EMID1: variants seen among roughly 807,000 people sequenced by gnomAD.
EMID1 encodes the protein EMI domain-containing protein 1.
Under a neutral mutation model 60.6 loss-of-function variants are expected in EMID1, and 40 were observed. That is an observed-to-expected ratio of 0.66 (90% CI 0.51 to 0.86). The LOEUF is 0.86. Among genes scored for constraint, EMID1 ranks in the 40% least tolerant of loss-of-function variants. The pLI, the probability that EMID1 is intolerant of heterozygous loss-of-function variation, is 0.00. For missense variants in EMID1, 585 were observed against 597.1 expected (o/e 0.98, Z 0.21); for synonymous variants, 242 against 231.0 (o/e 1.05, Z -0.43).
rs565207676 is a variant in EMID1 at position 29,259,256 on chromosome 22, G to C, written c.*312G>C. 16 of 372,838 alleles carry C rather than the reference G, an allele frequency of 4.3e-5. No individual in the cohort carries two copies. Among genetic ancestry groups the C allele is most frequent in the African/African-American group, 3.3e-4 (15 of 45,958 alleles). 23.1% of individuals were successfully genotyped at this position (372,838 alleles called of 1,614,324 possible). A position where few individuals can be genotyped will look rare whatever the true frequency, so the allele number is the denominator to read the frequency against. The stretch of plus-strand genomic sequence containing the variant: ...GAGCATCCAGGCCCAAAGGCACTGA[G>C]GGAGTCAGGAGCTGGGGCTCGGCAC... On this transcript the variant is annotated 3_prime_UTR_variant, in exon 15 of 15. Transcript: ENST00000334018.
Position 29,215,708 on chromosome 22 carries a change from C to A in EMID1, c.319+78C>A, listed in dbSNP as rs2040056056. ...CCCTGCAGGTGCATGGAGCCGTGAA[C>A]TATTAAGAGAGTCATGCACAGTACC... On this transcript the variant is annotated intron_variant, in intron 3 of 14. Transcript: ENST00000334018. 24 of 1,151,740 alleles carry A rather than the reference C, an allele frequency of 2.1e-5. No homozygotes were observed. In the South Asian group the frequency reaches 2.9e-4, roughly 14 times the overall value. 71.3% of individuals were successfully genotyped at this position (1,151,740 alleles called of 1,614,324 possible).
chr22:29,235,330 A>G (rs1203545740), intron 12 of EMID1, among the ~76,000 whole-genome samples: 2 of 145,326 alleles, frequency 1.4e-5, no homozygotes, highest in African/African-American at 5.1e-5. Context: ...CCTGGGCAAT[A>G]AGAGTGAGAC....
intron 4 of EMID1, among the ~76,000 whole-genome samples, chr22:29,225,793 A>C (rs1034383319): frequency 1.3e-5 from 2 of 152,196 alleles, no homozygotes; most frequent in African/African-American, 4.8e-5. Context: ...TGAGGAGGGG[A>C]GAGACTGCTG....
intron 10 of EMID1, 79 bp downstream of exon 10, chr22:29,233,745 C>T: frequency 7.5e-7 from 1 of 1,342,266 alleles, no homozygotes; most frequent in Non-Finnish European, 1.1e-6. Context: ...ATCTGTCCAT[C>T]ATCCACCCTT....
intron 12 of EMID1, among the ~76,000 whole-genome samples, chr22:29,235,780 C>CTTTTT (rs56085732): frequency 8.1e-5 from 6 of 73,866 alleles, no homozygotes; most frequent in African/African-American, 1.1e-4. Context: ...AGAATTTAAG[C>CTTTTT]TTTTTTTTTT....
At chr22:29,256,860 GGT>G (rs150022900) in intron 14 of EMID1, among the ~76,000 whole-genome samples, 1,949 of 152,184 alleles carry the variant, frequency 0.013, 55 homozygotes, top group African/African-American at 0.045. Context: ...GCCTGGGAAG[GGT>G]GTGGGGTCTG....
intron 12 of EMID1, among the ~76,000 whole-genome samples, chr22:29,236,333 T>G (rs1601995121): frequency 6.6e-6 from 1 of 152,088 alleles, no homozygotes; most frequent in African/African-American, 2.4e-5. Flanking sequence ...GAGTTTAAGG[T>G]GACAGTTATA....
chr22:29,229,426 A>G (rs1419138645), intron 5 of EMID1, among the ~76,000 whole-genome samples: 1 of 151,894 alleles, frequency 6.6e-6, no homozygotes, highest in Non-Finnish European at 1.5e-5. Context: ...GGCGGATCAC[A>G]TGAGGTCAGG....
At chr22:29,215,128 G>T in intron 2 of EMID1, 89 bp downstream of exon 2, 1 of 1,445,452 alleles carries the variant, frequency 6.9e-7, no homozygotes. Context: ...TGGGGAGTGT[G>T]GGGGAAGACT....
At chr22:29,214,551 C>T (rs1454097861) in intron 1 of EMID1, among the ~76,000 whole-genome samples, 3 of 152,182 alleles carry the variant, frequency 2.0e-5, no homozygotes, top group South Asian at 4.1e-4. Flanking sequence ...GGAGAGGCCA[C>T]TCACTGTAGT....
At position 29,206,014 on chromosome 22, in the gene EMID1, G is replaced by T. The variant is rs1310320028; in HGVS notation, c.-25G>T. ...CTGGGGGCGGCGACCGCGAGGGGCC[G>T]CGCGCGGAGGGCGCCTGGTGCAGCA... On this transcript the variant is annotated 5_prime_UTR_variant, in exon 1 of 15. Transcript: ENST00000334018. 5.8e-6 allele frequency: 7 copies of T among 1,204,456 alleles called. No individual in the cohort carries two copies. Among genetic ancestry groups the T allele is most frequent in the Non-Finnish European group, 7.2e-6 (7 of 969,764 alleles). The allele number at this position is 1,204,456 out of a possible 1,614,324, so 74.6% of individuals were successfully genotyped here. A position where few individuals can be genotyped will look rare whatever the true frequency, so the allele number is the denominator to read the frequency against.
intron 12 of EMID1, among the ~76,000 whole-genome samples, chr22:29,234,833 C>G (rs6006067): frequency 0.86 from 130,619 of 151,870 alleles, 56,601 homozygotes; most frequent in East Asian, 0.98. Context: ...CTTATGCTTG[C>G]TATTTGCATG....
chr22:29,233,511 A>T lies in EMID1; in HGVS notation c.913+43A>T, dbSNP rs772401916. ...CAGGGGTAAAGGGTGAAGTTGGTAG[A>T]TGGCAGAGGGAATAGGGTTTGTGGC... On this transcript the variant is annotated intron_variant, in intron 9 of 14. Transcript: ENST00000334018. The T allele has an allele frequency of 3.1e-6, 5 of 1,609,900 alleles. No homozygotes were observed. In the South Asian group the frequency reaches 5.5e-5, roughly 18 times the overall value.
chr22:29,243,610 T>G lies in EMID1; in HGVS notation c.1119+121T>G. On this transcript the variant is annotated intron_variant, in intron 13 of 14. Coordinates refer to ENST00000334018, the MANE Select transcript of EMID1 (RefSeq NM_133455.4). ...TCCCATCCACATCCCCACTACAGCC[T>G]GGTCTCCCAGGCAGGAGCCTTGGCA... 2.5e-6 allele frequency: 3 copies of G among 1,178,760 alleles called. No homozygotes were observed. The South Asian group carries it at 4.0e-5, about 16-fold the overall frequency. 73.0% of individuals were successfully genotyped at this position (1,178,760 alleles called of 1,614,324 possible). A position where few individuals can be genotyped will look rare whatever the true frequency, so the allele number is the denominator to read the frequency against.
At position 29,236,942 on chromosome 22, in the gene EMID1, G is replaced by A. The variant is rs1364966852; in HGVS notation, c.1074+2593G>A. 7.3e-5 allele frequency among the ~76,000 whole-genome samples: 11 copies of A among 149,950 alleles called. No individual in the cohort carries two copies. The East Asian group carries it at 8.3e-4, about 11-fold the overall frequency. ...CTCCCAAGTAGCTGGGACTACAGGC[G>A]CCCACCACCATACCTGGCTAATTTT... On this transcript the variant is annotated intron_variant, in intron 12 of 14. Transcript: ENST00000334018.
intron 1 of EMID1, among the ~76,000 whole-genome samples, chr22:29,213,853 A>G (rs1014170283): frequency 4.6e-5 from 7 of 152,004 alleles, no homozygotes; most frequent in Non-Finnish European, 7.4e-5. Flanking sequence ...AGAAGACGGG[A>G]GCTGAGGCTC....
chr22:29,232,332 A>C lies in EMID1; in HGVS notation c.753A>C (p.Pro251=), dbSNP rs199875803. 37 of 1,609,430 alleles carry C rather than the reference A, an allele frequency of 2.3e-5. No individual in the cohort carries two copies. Among genetic ancestry groups the C allele is most frequent in the Middle Eastern group, 4.0e-4 (2 of 4,944 alleles). The part of the protein sequence containing the change: ...GTPGERGPPG[P]PGPPGPPGPP... ...CTGGAGAGAGGGGACCTCCTGGGCC[A>C]CCAGGGCCTCCTGGCCCCCCTGGGC... Residue 251 remains proline, a synonymous_variant, in exon 8 of 15, where the codon CCA becomes CCC. Transcript: ENST00000334018.
chr22:29,232,292 G>C lies in EMID1; in HGVS notation c.713G>C (p.Gly238Ala). 2 of 1,611,432 alleles carry C rather than the reference G, an allele frequency of 1.2e-6. No homozygotes were observed. Among genetic ancestry groups the C allele is most frequent in the Non-Finnish European group, 8.5e-7 (1 of 1,179,762 alleles). The change falls in exon 8 of 15, where the codon GGA becomes GCA. Residue 238 changes from glycine to alanine, a missense_variant. By Grantham distance (60) the Gly-to-Ala change is moderately conservative (BLOSUM62 0). Coordinates refer to ENST00000334018, the MANE Select transcript of EMID1 (RefSeq NM_133455.4). ...QGPPGSPGRA[G>A]AVGTPGERGP... ...CCCCCAGGGAGCCCTGGCCGGGCTGGAGCTGTGGGCACCCCTGGAGAGAGG... is the reference window on the plus strand; with the variant it reads ...CCCCCAGGGAGCCCTGGCCGGGCTGCAGCTGTGGGCACCCCTGGAGAGAGG...
chr22:29,258,372 G>A (rs1235272375), intron 14 of EMID1, among the ~76,000 whole-genome samples: 1 of 152,148 alleles, frequency 6.6e-6, no homozygotes, highest in African/African-American at 2.4e-5. Context: ...GTAGGTCAGT[G>A]GCAGAGCCTG....
Sources: gnomAD v4.1 joint callset for allele counts (sites outside exome capture counted in the v4.1 genomes callset) on GRCh38, gnomAD v4.1.1 for gene constraint, MANE v1.5 for transcripts, NCBI Gene and HGNC (gene_info 2026-07-23, HGNC 2026-07-21) for gene names.